Variants in VAV2 observed in about 807,000 individuals in gnomAD.
VAV2 encodes vav guanine nucleotide exchange factor 2.
A neutral mutation model predicts 132.5 loss-of-function variants in VAV2; 67 were observed. The observed-to-expected ratio is 0.51, with a 90% CI of 0.42 to 0.62. The LOEUF (loss-of-function observed/expected upper bound fraction) is 0.62, where lower values mean the gene tolerates loss of function less well. VAV2 is among the 20% of genes least tolerant of loss of function. VAV2 has a pLI of 0.00. For missense variants in VAV2, 938 were observed against 1,153.6 expected (o/e 0.81, Z 2.71); for synonymous variants, 492 against 443.5 (o/e 1.11, Z -1.37).
At chr9:133,853,822 C>G (rs1346112627) in intron 3 of VAV2, among the ~76,000 whole-genome samples, 1 of 152,116 alleles carries the variant, frequency 6.6e-6, no homozygotes, top group African/African-American at 2.4e-5. Flanking sequence ...ATGAGGAGCA[C>G]CAGCCCTTGA....
chr9:133,861,768 T>C (rs934879443), intron 2 of VAV2, among the ~76,000 whole-genome samples: 7 of 152,150 alleles, frequency 4.6e-5, no homozygotes, highest in Admixed American at 4.6e-4. Context: ...TTTAAAGGGC[T>C]CACTCATCCC....
intron 1 of VAV2, among the ~76,000 whole-genome samples, chr9:133,950,292 T>C (rs774100662): frequency 4.6e-5 from 7 of 152,116 alleles, no homozygotes; most frequent in Non-Finnish European, 7.4e-5. Flanking sequence ...GAAGTCTGAG[T>C]GGAGCAGGTG....
rs777112771 is a variant in VAV2, at chr9:133,810,190, C to A, written c.567+1G>T. 4 of 1,613,466 alleles carry A rather than the reference C, an allele frequency of 2.5e-6. No homozygotes were observed. Among genetic ancestry groups the A allele is most frequent in the East Asian group, 2.2e-5 (1 of 44,874 alleles). The stretch of plus-strand genomic sequence containing the variant: ...CCAGCCTCCCCTTCCGGGCCACTCA[C>A]CTGCATGTATCTAATCTGCAAGCGT... On this transcript the variant is annotated splice_donor_variant, in intron 6 of 29. Transcript: ENST00000371850. LOFTEE classifies it high-confidence loss of function.
chr9:133,934,311 G>A (rs1375902967), intron 2 of VAV2, among the ~76,000 whole-genome samples: 2 of 152,194 alleles, frequency 1.3e-5, no homozygotes. Flanking sequence ...AATAATAGGG[G>A]AAACGGCATT....
rs1840909063 is a variant in VAV2, at chr9:133,936,370, G to A, written c.321+2733C>T. ...CAACTCTCCTGCCTCAGCCTCCCAA[G>A]TAGCTGGGATTACATACGCCCACCA... On this transcript the variant is annotated intron_variant, in intron 2 of 29. Transcript: ENST00000371850. 2.0e-5 allele frequency among the ~76,000 whole-genome samples: 3 copies of A among 151,222 alleles called. No homozygotes were observed. The South Asian group carries it at 6.3e-4, about 32-fold the overall frequency.
chr9:133,890,040 C>A (rs1377318181), intron 2 of VAV2, among the ~76,000 whole-genome samples: 1 of 152,208 alleles, frequency 6.6e-6, no homozygotes, highest in Admixed American at 6.5e-5. Flanking sequence ...AGGATATGGG[C>A]ACACTCCGGG....
chr9:133,934,966 A>C (rs148189241), intron 2 of VAV2, among the ~76,000 whole-genome samples: 84 of 152,272 alleles, frequency 5.5e-4, no homozygotes, highest in African/African-American at 1.8e-3. Flanking sequence ...GGAGTAAGAG[A>C]GTCAGCTCTG....
chr9:133,770,230 T>G, intron 27 of VAV2, 148 bp downstream of exon 27: 1 of 1,293,026 alleles, frequency 7.7e-7, no homozygotes, highest in South Asian at 1.5e-5. Flanking sequence ...TGACAGCATC[T>G]GCGATGGCTG....
rs187491318 is a variant in VAV2, at chr9:133,900,427, C to G, written c.321+38676G>C. ...TCTTAGAAACCAGAACCCCTTTCCC[C>G]TAAAGCCAGTCATCAAACCTAAAAA... is the stretch of plus-strand genomic sequence containing the variant. On this transcript the variant is annotated intron_variant, in intron 2 of 29. Coordinates refer to ENST00000371850, the MANE Select transcript of VAV2 (RefSeq NM_001134398.2). Among the ~76,000 whole-genome samples the G allele has an allele frequency of 2.0e-5, 3 of 152,272 alleles. No homozygotes were observed. In the East Asian group the frequency reaches 5.8e-4, roughly 29 times the overall value.
chr9:133,889,763 A>ACAC (rs71930231), intron 2 of VAV2, among the ~76,000 whole-genome samples: 44 of 151,768 alleles, frequency 2.9e-4, no homozygotes, highest in East Asian at 1.4e-3. Context: ...CACACACACA[A>ACAC]AAAATTTTTT....
intron 4 of VAV2, among the ~76,000 whole-genome samples, 187 bp from the exon 5 acceptor site, chr9:133,812,403 G>A (rs1021338446): frequency 6.6e-6 from 1 of 152,248 alleles, no homozygotes; most frequent in Non-Finnish European, 1.5e-5. Flanking sequence ...GAACTGGGCA[G>A]CGTAAGGCGC....
At chr9:133,894,643 G>A (rs931837185) in intron 2 of VAV2, among the ~76,000 whole-genome samples, 13 of 152,108 alleles carry the variant, frequency 8.5e-5, no homozygotes, top group South Asian at 4.1e-4. Flanking sequence ...TTTCCCCACC[G>A]TCTCAGGCAG....
chr9:133,844,344 C>T (rs2131819482), intron 3 of VAV2, among the ~76,000 whole-genome samples: 1 of 152,350 alleles, frequency 6.6e-6, no homozygotes, highest in South Asian at 2.1e-4. Flanking sequence ...GCCCCCGAAG[C>T]TACTCTGCCT....
intron 2 of VAV2, among the ~76,000 whole-genome samples, chr9:133,923,963 AG>A (rs1221560752): frequency 6.6e-6 from 1 of 151,182 alleles, no homozygotes; most frequent in East Asian, 2.0e-4. Flanking sequence ...GACACAGGGC[AG>A]GGAACATCAC....
intron 12 of VAV2, among the ~76,000 whole-genome samples, chr9:133,792,685 C>G (rs1202248926): frequency 7.7e-6 from 1 of 130,352 alleles, no homozygotes; most frequent in East Asian, 2.8e-4. Flanking sequence ...GGGACCCCCC[C>G]CCCCACCCCC....
intron 1 of VAV2, among the ~76,000 whole-genome samples, chr9:133,958,752 C>A (rs1401870894): frequency 6.6e-6 from 1 of 152,256 alleles, no homozygotes; most frequent in Non-Finnish European, 1.5e-5. Flanking sequence ...GTGGAGCCAA[C>A]AAGGATGCTG....
chr9:133,962,054 G>A (rs1441653017), intron 1 of VAV2, among the ~76,000 whole-genome samples: 2 of 152,278 alleles, frequency 1.3e-5, no homozygotes, highest in Admixed American at 6.5e-5. Flanking sequence ...CACTGACATA[G>A]CAAAGCCAGC....
At chr9:133,915,078 C>G (rs946690190) in intron 2 of VAV2, among the ~76,000 whole-genome samples, 1 of 152,088 alleles carries the variant, frequency 6.6e-6, no homozygotes, top group Non-Finnish European at 1.5e-5. Flanking sequence ...TGAAACAGGC[C>G]GCTTGGCCGG....
chr9:133,825,801 G>A (rs1337556512), intron 4 of VAV2, among the ~76,000 whole-genome samples: 7 of 152,226 alleles, frequency 4.6e-5, no homozygotes, highest in African/African-American at 7.2e-5. Context: ...GGAGAAGCAC[G>A]GCCTCTCCCC....
Sources: allele counts gnomAD v4.1 joint callset (sites outside exome capture counted in the v4.1 genomes callset), GRCh38; gene constraint gnomAD v4.1.1; transcripts MANE v1.5; gene names NCBI Gene and HGNC (gene_info 2026-07-23, HGNC 2026-07-21).